Variants in PDP1 observed in about 807,000 individuals in gnomAD.
PDP1 encodes the protein pyruvate dehyrogenase phosphatase catalytic subunit 1.
A neutral mutation model predicts 37.1 loss-of-function variants in PDP1; 14 were observed. The observed-to-expected ratio is 0.38, with a 90% confidence interval of 0.25 to 0.59. The LOEUF is 0.59. Among genes scored for constraint, PDP1 ranks in the 20% least tolerant of loss-of-function variants. PDP1 has a pLI of 0.67. For missense variants in PDP1, 544 were observed against 655.3 expected (o/e 0.83, Z 1.85); for synonymous variants, 251 against 243.3 (o/e 1.03, Z -0.29).
At chr8:93,917,528 A>C (rs974163989) in intron 1 of PDP1, among the ~76,000 whole-genome samples, 2 of 151,012 alleles carry the variant, frequency 1.3e-5, no homozygotes, top group Admixed American at 6.6e-5. Context: ...CGGGCCGGGC[A>C]GGGCGGGGCG....
At chr8:93,921,398 TTTAA>T in intron 1 of PDP1, 1 of 895,728 alleles carries the variant, frequency 1.1e-6, no homozygotes, top group Non-Finnish European at 1.3e-6. Context: ...TCTTTTTTTA[TTTAA>T]TTATGTAGAA....
At chr8:93,921,409 A>G (rs933345347) in intron 1 of PDP1, 44 of 825,286 alleles carry the variant, frequency 5.3e-5, no homozygotes, top group Non-Finnish European at 6.3e-5. Flanking sequence ...TTAATTATGT[A>G]GAAATTTTTC....
intron 1 of PDP1, chr8:93,917,868 C>T (rs770413574): frequency 3.8e-5 from 61 of 1,613,806 alleles, no homozygotes; most frequent in Non-Finnish European, 5.0e-5. Flanking sequence ...TGCTGCTGCC[C>T]GCGCGGGTTG....
In PDP1 at chr8:93,923,383, C is replaced by G. The variant is rs1465644044; in HGVS notation, c.1324C>G (p.His442Asp). The G allele has an allele frequency of 6.2e-7, 1 of 1,611,154 alleles. No homozygotes were observed. ...IVGEYLTGMH[H>D]QQPIAVGGYK... ...GGGTGAGTACCTAACTGGCATGCAT[C>G]ACCAACAGCCAATAGCTGTTGGTGG... is the stretch of plus-strand genomic sequence containing the variant. The change falls in exon 2 of 2, where the codon CAC becomes GAC. Residue 442 changes from histidine to aspartate, a missense_variant. By Grantham distance (81) the His-to-Asp change is moderately conservative (BLOSUM62 -1). Around this residue, in one of 5 missense-constraint regions of PDP1, gnomAD observed 159 missense variants for 165.5 expected, o/e 0.96. Transcript: ENST00000297598. This position sits in a 1 kb window ranked among gnomAD's most constrained non-coding sequence, Gnocchi z 4.3.
Position 93,922,982 on chromosome 8 carries a change from T to C in PDP1, c.923T>C (p.Val308Ala). The C allele has an allele frequency of 1.2e-6, 2 of 1,614,086 alleles. No homozygotes were observed. Among genetic ancestry groups the C allele is most frequent in the Non-Finnish European group, 1.7e-6 (2 of 1,180,006 alleles). ...GAAGAGGACGGCTCATGGTCAGCAG[T>C]CACGCTGTCTAATGACCACAATGCT... Reference protein sequence around the residue: ...VQEEDGSWSAVTLSNDHNAQN... With the variant: ...VQEEDGSWSAATLSNDHNAQN... Residue 308 changes from valine to alanine, a missense_variant, in exon 2 of 2, where the codon GTC becomes GCC. Around this residue, in one of 5 missense-constraint regions of PDP1, gnomAD observed 342 missense variants for 414.0 expected, o/e 0.83. Coordinates refer to ENST00000297598, the MANE Select transcript of PDP1 (RefSeq NM_018444.4). This position sits in a 1 kb window ranked among gnomAD's most constrained non-coding sequence, Gnocchi z 4.0.
intron 1 of PDP1, chr8:93,921,425 ATGTTACAATGCAT>A: frequency 1.7e-6 from 1 of 577,726 alleles, no homozygotes; most frequent in Non-Finnish European, 2.2e-6. Context: ...TTTTCTATAT[ATGTTACAATGCAT>A]ATTACTGTAG....
In PDP1 at chr8:93,923,354, T is replaced by C; in HGVS notation, c.1295T>C (p.Ile432Thr). The change falls in exon 2 of 2, where the codon ATT becomes ACT. Residue 432 changes from isoleucine to threonine, a missense_variant. This residue lies in a region of PDP1 where 159 missense variants were observed against 165.5 expected (regional missense o/e 0.96). Transcript: ENST00000297598. This position sits in a 1 kb window ranked among gnomAD's most constrained non-coding sequence, Gnocchi z 4.3. ...ATGCATAGGCAGGATGTGGTTAGGA[T>C]TGTGGGTGAGTACCTAACTGGCATG... ...ETMHRQDVVR[I>T]VGEYLTGMHH... 2.5e-6 allele frequency: 4 copies of C among 1,613,912 alleles called. No homozygotes were observed. Among genetic ancestry groups the C allele is most frequent in the Non-Finnish European group, 3.4e-6 (4 of 1,179,818 alleles).
intron 1 of PDP1, chr8:93,917,598 C>T (rs1320150998): frequency 4.4e-5 from 19 of 432,288 alleles, no homozygotes; most frequent in Non-Finnish European, 7.9e-5. Context: ...AGGGGCTGGC[C>T]CTCGGGGCGC....
At position 93,924,429 on chromosome 8, in the gene PDP1, TAAG is replaced by T. The variant is rs1159151185; in HGVS notation, c.*757_*759del. On this transcript the variant is annotated 3_prime_UTR_variant, in exon 2 of 2. Transcript: ENST00000297598. ...ATTAATGAAAAGCTTTAGTTTAAAATAAGGAGATCCAGAATAAAAAGAAGAGAC... is the reference window on the plus strand; with the variant it reads ...ATTAATGAAAAGCTTTAGTTTAAAATGAGATCCAGAATAAAAAGAAGAGAC... 1 of 167,048 alleles carries T rather than the reference TAAG, an allele frequency of 6.0e-6. No individual in the cohort carries two copies. The highest frequency in any genetic ancestry group is 1.5e-5 in the Non-Finnish European group (1 of 68,114). The allele number at this position is 167,048 out of a possible 1,614,324, so 10.3% of individuals were successfully genotyped here.
Position 93,925,853 on chromosome 8 carries a change from A to G in PDP1, c.*2180A>G, listed in dbSNP as rs1810417822. On this transcript the variant is annotated 3_prime_UTR_variant, in exon 2 of 2. Transcript: ENST00000297598. Reference sequence around the variant, plus strand: ...TTTTAAAATTTAAACTTTCTAACCTATGTATTCAACTTCTGTATTTATATT... The same window carrying G: ...TTTTAAAATTTAAACTTTCTAACCTGTGTATTCAACTTCTGTATTTATATT... The G allele has an allele frequency of 6.0e-6, 1 of 167,078 alleles. No homozygotes were observed. Among genetic ancestry groups the G allele is most frequent in the Non-Finnish European group, 1.5e-5 (1 of 68,098 alleles). 10.3% of individuals were successfully genotyped at this position (167,078 alleles called of 1,614,324 possible). A position where few individuals can be genotyped will look rare whatever the true frequency, so the allele number is the denominator to read the frequency against.
chr8:93,918,757 T>C (rs549417715), intron 1 of PDP1, among the ~76,000 whole-genome samples: 1 of 152,350 alleles, frequency 6.6e-6, no homozygotes, highest in African/African-American at 2.4e-5. Flanking sequence ...AAAGTTATGA[T>C]GTAGAGTGTT....
chr8:93,924,338 AG>A lies in PDP1; in HGVS notation c.*668del, dbSNP rs139623857. The A allele has an allele frequency of 0.018, 2,928 of 167,176 alleles. 36 individuals carry two copies. The highest frequency in any genetic ancestry group is 0.029 in the Non-Finnish European group (2,007 of 68,130). 10.4% of individuals were successfully genotyped at this position (167,176 alleles called of 1,614,324 possible). On this transcript the variant is annotated 3_prime_UTR_variant, in exon 2 of 2. Transcript: ENST00000297598. ...TTTTGCCACACACTTGGAGACAATA[AG>A]GGTTTTTAGTTTTATCTACTCTTCT...
rs531405945 is a variant in PDP1 at position 93,920,628 on chromosome 8, A to AT, written c.-44-1380dup. 178 of 954,222 alleles carry AT rather than the reference A, an allele frequency of 1.9e-4. No homozygotes were observed. The African/African-American group carries it at 2.0e-3, about 11-fold the overall frequency. 59.1% of individuals were successfully genotyped at this position (954,222 alleles called of 1,614,324 possible). On this transcript the variant is annotated intron_variant, in intron 1 of 1. Coordinates refer to ENST00000297598, the MANE Select transcript of PDP1 (RefSeq NM_018444.4). ...TTCAGCGCACATAGTGAGTGATAGG[A>AT]TTTTTTTTAAGTTTGTAATTATATT... is the stretch of plus-strand genomic sequence containing the variant.
chr8:93,920,808 A>G (rs1218596329), intron 1 of PDP1: 1 of 700,010 alleles, frequency 1.4e-6, no homozygotes, highest in Non-Finnish European at 1.8e-6. Flanking sequence ...ATAATATTAT[A>G]TATTTATGGG....
rs1031005135 is a variant in PDP1 at position 93,917,098 on chromosome 8, C to G, written c.-45+19C>G. 1 of 464,886 alleles carries G rather than the reference C, an allele frequency of 2.2e-6. No individual in the cohort carries two copies. The allele number at this position is 464,886 out of a possible 1,614,324, so 28.8% of individuals were successfully genotyped here. On this transcript the variant is annotated intron_variant, in intron 1 of 1. Coordinates refer to ENST00000297598, the MANE Select transcript of PDP1 (RefSeq NM_018444.4). ...GTGCCCGGTTCGTATTCCCTACTCC[C>G]TGCCACGAGCCGCCCCGTCCGGGAT...
chr8:93,921,961 G>A, intron 1 of PDP1, 55 bp from the exon 2 acceptor site: 4 of 1,238,772 alleles, frequency 3.2e-6, no homozygotes, highest in Non-Finnish European at 4.6e-6. Flanking sequence ...GCTAGATTAA[G>A]TATCCTGAAA....
At position 93,917,812 on chromosome 8, in the gene PDP1, A is replaced by G. The variant is rs750504125; in HGVS notation, c.-45+733A>G. The G allele has an allele frequency of 2.5e-6, 4 of 1,602,486 alleles. No individual in the cohort carries two copies. In the South Asian group the frequency reaches 3.3e-5, roughly 13 times the overall value. On this transcript the variant is annotated intron_variant, in intron 1 of 1. Coordinates refer to ENST00000297598, the MANE Select transcript of PDP1 (RefSeq NM_018444.4). ...CCGCCTCCCCGCCGCCGCCTCCTCT[A>G]ATGAGCATCTCTGCCTTGCTTTCAA...
rs144604949 is a variant in PDP1, at chr8:93,922,426, A to C, written c.367A>C (p.Ile123Leu). The change falls in exon 2 of 2, where the codon ATT becomes CTT. Residue 123 changes from isoleucine (I) to leucine (L), a missense_variant. Physicochemically the swap from Ile to Leu is conservative, Grantham distance 5 (BLOSUM62 2). This residue lies in a region of PDP1 where 342 missense variants were observed against 414.0 expected (regional missense o/e 0.83). Transcript: ENST00000297598. The surrounding 1 kb of genome is among the most constrained non-coding windows in gnomAD (Gnocchi z 4.0). ...DSNQLPANAP[I>L]EDRRSAATCL... ...CAATCAGCTGCCTGCAAATGCACCC[A>C]TTGAGGACCGGAGAAGTGCAGCAAC... 7.4e-6 allele frequency: 12 copies of C among 1,614,094 alleles called. No homozygotes were observed. In the East Asian group the frequency reaches 2.7e-4, roughly 36 times the overall value.
rs1483357669 is a variant in PDP1, at chr8:93,918,016, T to C, written c.-45+937T>C. The C allele has an allele frequency of 3.2e-6, 5 of 1,544,160 alleles. No individual in the cohort carries two copies. In the African/African-American group the frequency reaches 6.8e-5, roughly 21 times the overall value. On this transcript the variant is annotated intron_variant, in intron 1 of 1. Transcript: ENST00000297598. ...GTGACAGATTTTTGTGTATGGATGG[T>C]TTTAGATGAATCAGCGTGGTATTAA...
Sources: allele counts gnomAD v4.1 joint callset (sites outside exome capture counted in the v4.1 genomes callset), GRCh38; gene constraint gnomAD v4.1.1; regional missense constraint gnomAD v4.1.1; non-coding constraint Gnocchi (gnomAD v3.1); transcripts MANE v1.5; gene names NCBI Gene and HGNC (gene_info 2026-07-23, HGNC 2026-07-21).